The following NCAM2 variants were observed in gnomAD, a reference collection of about 807,000 sequenced individuals.
The protein encoded by NCAM2 is N-CAM-2.
NCAM2 carries 30 observed loss-of-function variants against 98.1 expected under a neutral mutation model. The ratio of observed to expected loss-of-function variants is 0.31; its 90% confidence interval spans 0.23 to 0.41. The LOEUF (loss-of-function observed/expected upper bound fraction) is 0.41, where lower values mean the gene tolerates loss of function less well. Ranked by LOEUF, NCAM2 falls within the 10% of genes least tolerant of loss-of-function variation. The probability of loss-of-function intolerance (pLI) is 1.00; values close to 1 mark genes in which losing one functional copy is unlikely to be tolerated. For synonymous variants in NCAM2, 368 were observed against 342.4 expected (o/e 1.07, Z -0.83); for missense variants, 867 against 1,005.8 (o/e 0.86, Z 1.87).
chr21:21,128,246 T>C (rs115090797), intron 1 of NCAM2, among the ~76,000 whole-genome samples: 2 of 109,520 alleles, frequency 1.8e-5, no homozygotes. Flanking sequence ...TTGTGAGGGT[T>C]TTTTTTTTTT....
At chr21:21,370,138 C>T (rs1279681783) in intron 8 of NCAM2, among the ~76,000 whole-genome samples, 3 of 151,756 alleles carry the variant, frequency 2.0e-5, no homozygotes, top group African/African-American at 7.3e-5. Context: ...ACTTGTCCTT[C>T]CGTTTTGGCA....
At chr21:21,279,732 G>A (rs2072861970) in intron 1 of NCAM2, among the ~76,000 whole-genome samples, 1 of 152,048 alleles carries the variant, frequency 6.6e-6, no homozygotes, top group Admixed American at 6.6e-5. Flanking sequence ...AAGCATTTTG[G>A]TTACTATGAT....
intron 15 of NCAM2, among the ~76,000 whole-genome samples, chr21:21,499,816 A>G (rs774539436): frequency 3.9e-5 from 6 of 152,194 alleles, no homozygotes; most frequent in Non-Finnish European, 8.8e-5. Context: ...CCATTTTACC[A>G]ACAATGAAAC....
rs563337773 is a variant in NCAM2 at position 21,004,724 on chromosome 21, A to G, written c.55+6106A>G. ...GAGCTAAAATTGATTGTGTTTACTA[A>G]CTGACAGGCTCTCTTATCATAATCC... On this transcript the variant is annotated intron_variant, in intron 1 of 17. Coordinates refer to ENST00000400546, the MANE Select transcript of NCAM2 (RefSeq NM_004540.5). Among the ~76,000 whole-genome samples, 6 of 152,244 alleles carry G rather than the reference A, an allele frequency of 3.9e-5. No homozygotes were observed. The South Asian group carries it at 6.2e-4, about 16-fold the overall frequency.
At chr21:21,518,809 T>G (rs1274449358) in intron 16 of NCAM2, among the ~76,000 whole-genome samples, 1 of 152,122 alleles carries the variant, frequency 6.6e-6, no homozygotes, top group Non-Finnish European at 1.5e-5. Flanking sequence ...ACAATAATTT[T>G]GTTCACATGG....
chr21:21,147,764 G>A (rs2067326855), intron 1 of NCAM2, among the ~76,000 whole-genome samples: 1 of 147,496 alleles, frequency 6.8e-6, no homozygotes, highest in Non-Finnish European at 1.5e-5. Context: ...TTTGATGTGT[G>A]TGCATATGCA....
chr21:21,200,177 C>T (rs2069157700), intron 1 of NCAM2, among the ~76,000 whole-genome samples: 1 of 151,828 alleles, frequency 6.6e-6, no homozygotes, highest in Non-Finnish European at 1.5e-5. Context: ...GATAACAATC[C>T]CCATGAAACC....
chr21:21,351,721 A>G (rs923387961), intron 8 of NCAM2, among the ~76,000 whole-genome samples: 3 of 151,764 alleles, frequency 2.0e-5, no homozygotes, highest in Admixed American at 6.6e-5. Flanking sequence ...TCTCTCATCT[A>G]TTTGTTCATT....
chr21:21,105,038 A>G (rs907942858), intron 1 of NCAM2, among the ~76,000 whole-genome samples: 2 of 152,184 alleles, frequency 1.3e-5, no homozygotes, highest in African/African-American at 4.8e-5. Flanking sequence ...CCTAGCCAAC[A>G]GCAAGTTCAT....
chr21:21,449,269 T>C (rs1332895776), intron 12 of NCAM2, among the ~76,000 whole-genome samples: 4 of 151,868 alleles, frequency 2.6e-5, no homozygotes, highest in Non-Finnish European at 4.4e-5. Flanking sequence ...GTAAGAAAAA[T>C]GTTTGTGAGT....
intron 15 of NCAM2, among the ~76,000 whole-genome samples, chr21:21,486,172 C>A (rs917875611): frequency 6.6e-6 from 1 of 151,746 alleles, no homozygotes; most frequent in Non-Finnish European, 1.5e-5. Flanking sequence ...GGCGTGGTGG[C>A]GGGCGCCTGT....
intron 1 of NCAM2, among the ~76,000 whole-genome samples, chr21:21,198,732 TTCTC>T (rs1419914645): frequency 6.6e-6 from 1 of 152,162 alleles, no homozygotes; most frequent in Non-Finnish European, 1.5e-5. Context: ...ACTTCCCTGT[TTCTC>T]TCTATATTGT....
intron 9 of NCAM2, among the ~76,000 whole-genome samples, chr21:21,396,401 C>G (rs1171915245): frequency 6.6e-6 from 1 of 152,168 alleles, no homozygotes; most frequent in Admixed American, 6.6e-5. Flanking sequence ...TTTTAGACTG[C>G]TGGTGGGGAT....
At chr21:21,100,947 T>C (rs1234795907) in intron 1 of NCAM2, among the ~76,000 whole-genome samples, 17 of 151,992 alleles carry the variant, frequency 1.1e-4, no homozygotes, top group Non-Finnish European at 5.9e-5. Flanking sequence ...ATGAATTTGA[T>C]CTGTTACATT....
chr21:21,254,667 C>T (rs2071597676), intron 1 of NCAM2, among the ~76,000 whole-genome samples: 1 of 152,106 alleles, frequency 6.6e-6, no homozygotes, highest in Non-Finnish European at 1.5e-5. Context: ...CTCATTTCAC[C>T]ATTTCCTTTG....
chr21:21,283,816 G>C (rs1208094866), intron 2 of NCAM2, among the ~76,000 whole-genome samples: 1 of 151,852 alleles, frequency 6.6e-6, no homozygotes, highest in Non-Finnish European at 1.5e-5. Context: ...AGTAATTGTG[G>C]TTCTGTTCAG....
chr21:21,520,263 AC>A (rs1372755774), intron 16 of NCAM2, among the ~76,000 whole-genome samples: 1 of 152,134 alleles, frequency 6.6e-6, no homozygotes, highest in East Asian at 1.9e-4. Context: ...TCTGGCAGGA[AC>A]CACATTTTAA....
At position 21,292,107 on chromosome 21, in the gene NCAM2, G is replaced by T; in HGVS notation, c.485G>T (p.Arg162Leu). 6.2e-7 allele frequency: 1 copy of T among 1,606,708 alleles called. No individual in the cohort carries two copies. Among genetic ancestry groups the T allele is most frequent in the South Asian group, 1.1e-5 (1 of 90,064 alleles). ...CTCCCCTTTGCTTTCTTTCCAGATC[G>T]GTTCGCTATGTTAGCAAACAATAAC... ...NEEVTTISDN[R>L]FAMLANNNLQ... The change falls in exon 5 of 18, where the codon CGG (arginine) becomes CTG (leucine). Residue 162 changes from arginine to leucine, a missense_variant. This residue lies in a region of NCAM2 where 447 missense variants were observed against 495.7 expected (regional missense o/e 0.90). Coordinates refer to ENST00000400546, the MANE Select transcript of NCAM2 (RefSeq NM_004540.5).
chr21:21,169,533 A>G (rs963501911), intron 1 of NCAM2, among the ~76,000 whole-genome samples: 1 of 152,224 alleles, frequency 6.6e-6, no homozygotes, highest in African/African-American at 2.4e-5. Context: ...ATATTTGCAC[A>G]AGATACATCT....
Sources: allele counts gnomAD v4.1 joint callset (sites outside exome capture counted in the v4.1 genomes callset), GRCh38; gene constraint gnomAD v4.1.1; regional missense constraint gnomAD v4.1.1; transcripts MANE v1.5; gene names NCBI Gene and HGNC (gene_info 2026-07-23, HGNC 2026-07-21).